The following CAMKMT variants were observed in gnomAD, a reference collection of about 807,000 sequenced individuals.
CAMKMT encodes calmodulin-lysine N-methyltransferase, also known as CaM KMT.
Under a neutral mutation model 48.0 loss-of-function variants are expected in CAMKMT, and 53 were observed. That is an observed-to-expected ratio of 1.10 (90% CI 0.89 to 1.39). CAMKMT has a LOEUF of 1.39. Ranked by LOEUF, CAMKMT falls within the 40% of genes most tolerant of loss-of-function variation. The pLI is 0.00. For missense variants in CAMKMT, 428 were observed against 402.7 expected (o/e 1.06, Z -0.54); for synonymous variants, 165 against 152.3 (o/e 1.08, Z -0.61).
At chr2:44,500,752 G>C (rs1200795321) in intron 3 of CAMKMT, among the ~76,000 whole-genome samples, 1 of 149,952 alleles carries the variant, frequency 6.7e-6, no homozygotes, top group Non-Finnish European at 1.5e-5. Flanking sequence ...CACAATCTCA[G>C]CTCACTGTAA....
chr2:44,418,696 GT>G (rs1290252602), intron 3 of CAMKMT, among the ~76,000 whole-genome samples: 6 of 152,038 alleles, frequency 3.9e-5, no homozygotes. Context: ...ATTTGTTTTC[GT>G]TTTTTCAAAA....
At chr2:44,768,363 T>TATATATATATATATATATATATA (rs1558844484) in intron 10 of CAMKMT, among the ~76,000 whole-genome samples, 5 of 72,008 alleles carry the variant, frequency 6.9e-5, no homozygotes, top group African/African-American at 2.5e-4. Context: ...ATATATATAT[T>TATATATATATATATATATATATA]TTTTTTTTTT....
At chr2:44,710,397 A>G (rs1222437087) in intron 6 of CAMKMT, among the ~76,000 whole-genome samples, 1 of 152,084 alleles carries the variant, frequency 6.6e-6, no homozygotes, top group Non-Finnish European at 1.5e-5. Context: ...AGTCACAAAT[A>G]TTTTCTTAGA....
intron 1 of CAMKMT, among the ~76,000 whole-genome samples, chr2:44,365,663 A>C (rs891455946): frequency 3.3e-5 from 5 of 152,218 alleles, no homozygotes; most frequent in African/African-American, 1.2e-4. Context: ...AGAATGGGGC[A>C]CTTTGGCTAA....
chr2:44,693,231 A>C (rs1383350614), intron 3 of CAMKMT, among the ~76,000 whole-genome samples: 1 of 152,184 alleles, frequency 6.6e-6, no homozygotes, highest in Non-Finnish European at 1.5e-5. Context: ...ATTATCTTCT[A>C]AACAGTATTA....
chr2:44,445,645 GTTTTTTTTTTTTTTTTTTTTTTTTTT>G lies in CAMKMT; in HGVS notation c.376+55363_376+55388del, dbSNP rs869258613. On this transcript the variant is annotated intron_variant, in intron 3 of 10. Transcript: ENST00000378494. ...AGTCCAACATGTCGGCAAAAGGGTA[GTTTTTTTTTTTTTTTTTTTTTTTTTT>G]TTTTTTTTTTTTTTTTTTTTTTACC... 2.1e-4 allele frequency among the ~76,000 whole-genome samples: 21 copies of G among 101,432 alleles called. 2 individuals carry two copies. Among genetic ancestry groups the G allele is most frequent in the East Asian group, 1.3e-3 (3 of 2,344 alleles). 66.5% of individuals were successfully genotyped at this position (101,432 alleles called of 152,430 possible).
intron 3 of CAMKMT, among the ~76,000 whole-genome samples, chr2:44,499,805 A>G (rs542892021): frequency 1.3e-5 from 2 of 152,232 alleles, no homozygotes; most frequent in Non-Finnish European, 2.9e-5. Context: ...TTTTGGCACA[A>G]TAGCACTGAG....
At chr2:44,590,770 T>G (rs1213025487) in intron 3 of CAMKMT, among the ~76,000 whole-genome samples, 2 of 152,154 alleles carry the variant, frequency 1.3e-5, no homozygotes, top group East Asian at 1.9e-4. Flanking sequence ...AGATCCCATT[T>G]GTCAATTTTG....
In CAMKMT at chr2:44,549,430, C is replaced by G. The variant is rs777523721; in HGVS notation, c.377-154853C>G. The G allele has an allele frequency of 1.9e-4, 118 of 625,118 alleles. 1 individual carries two copies. The highest frequency in any genetic ancestry group is 3.1e-4 in the Non-Finnish European group (112 of 356,706). The allele number at this position is 625,118 out of a possible 1,614,324, so 38.7% of individuals were successfully genotyped here. A position where few individuals can be genotyped will look rare whatever the true frequency, so the allele number is the denominator to read the frequency against. ...ACCCCAAGGGAAGAGAAGAACCTCTCTCACACAGCAGGAAGACTCAGTTTT... is the reference window on the plus strand; with the variant it reads ...ACCCCAAGGGAAGAGAAGAACCTCTGTCACACAGCAGGAAGACTCAGTTTT... On this transcript the variant is annotated intron_variant, in intron 3 of 10. Coordinates refer to ENST00000378494, the MANE Select transcript of CAMKMT (RefSeq NM_024766.5).
intron 3 of CAMKMT, among the ~76,000 whole-genome samples, chr2:44,454,607 A>C (rs1490014122): frequency 6.6e-6 from 1 of 152,108 alleles, no homozygotes; most frequent in Non-Finnish European, 1.5e-5. Context: ...TTGAAGTAGG[A>C]TAATAAAACA....
intron 3 of CAMKMT, among the ~76,000 whole-genome samples, chr2:44,580,278 T>TAAAATAAAATA (rs980616344): frequency 1.3e-5 from 2 of 151,748 alleles, no homozygotes; most frequent in Non-Finnish European, 2.9e-5. Context: ...TAAAATAAAA[T>TAAAATAAAATA]AAAGTGTGCT....
chr2:44,680,722 C>T (rs1270599146), intron 3 of CAMKMT, among the ~76,000 whole-genome samples: 2 of 152,150 alleles, frequency 1.3e-5, no homozygotes, highest in Admixed American at 6.5e-5. Flanking sequence ...GACCAGGACT[C>T]GCTGCAGGGG....
chr2:44,558,676 C>G (rs1011560905), intron 3 of CAMKMT, among the ~76,000 whole-genome samples: 3 of 152,038 alleles, frequency 2.0e-5, no homozygotes, highest in African/African-American at 7.2e-5. Flanking sequence ...CAAATTAATG[C>G]CAGAACAGAA....
At chr2:44,428,291 C>T (rs756631365) in intron 3 of CAMKMT, among the ~76,000 whole-genome samples, 16 of 152,268 alleles carry the variant, frequency 1.1e-4, no homozygotes, top group Non-Finnish European at 1.3e-4. Flanking sequence ...CCCTAGAGTT[C>T]GGTCGTTCCC....
At chr2:44,475,404 G>C (rs777727627) in intron 3 of CAMKMT, among the ~76,000 whole-genome samples, 1 of 150,734 alleles carries the variant, frequency 6.6e-6, no homozygotes, top group East Asian at 1.9e-4. Flanking sequence ...TGCAACCTCC[G>C]CCTCCTGGGT....
intron 3 of CAMKMT, among the ~76,000 whole-genome samples, chr2:44,502,578 G>C (rs1315582377): frequency 6.6e-6 from 1 of 152,064 alleles, no homozygotes. Context: ...ATCTTAATTA[G>C]AATTTTAACT....
intron 3 of CAMKMT, among the ~76,000 whole-genome samples, chr2:44,621,821 A>G (rs1672211882): frequency 6.6e-6 from 1 of 152,240 alleles, no homozygotes; most frequent in African/African-American, 2.4e-5. Flanking sequence ...TTTTTGCTCC[A>G]TGGAGAATAG....
intron 3 of CAMKMT, 53 bp downstream of exon 3, chr2:44,390,358 T>C: frequency 3.9e-6 from 5 of 1,288,986 alleles, no homozygotes; most frequent in Non-Finnish European, 5.5e-6. Flanking sequence ...ACAAAGTGAA[T>C]TTATAGTTGA....
chr2:44,626,398 A>T (rs962403583), intron 3 of CAMKMT, among the ~76,000 whole-genome samples: 3 of 152,190 alleles, frequency 2.0e-5, no homozygotes, highest in Admixed American at 6.5e-5. Context: ...ACATTGCTAA[A>T]TTCACTTATT....
Sources: gnomAD v4.1 joint callset for allele counts (sites outside exome capture counted in the v4.1 genomes callset) on GRCh38, gnomAD v4.1.1 for gene constraint, MANE v1.5 for transcripts, NCBI Gene and HGNC (gene_info 2026-07-23, HGNC 2026-07-21) for gene names.